The following KCNQ1OT1 variants were observed in gnomAD, a reference collection of about 807,000 sequenced individuals.
The protein encoded by KCNQ1OT1 is KCNQ1 antisense RNA 2 (non-protein coding).
chr11:2,608,706 C>T lies in KCNQ1OT1; in HGVS notation n.91289G>A. ...CTTGAACTCCTGGCCACAAGCAATT[C>T]TCGAACTCCTGGCCACAAGCAATTC... On this transcript the variant is annotated non_coding_transcript_exon_variant, in exon 1 of 1. Coordinates refer to ENST00000597346, the Ensembl canonical transcript of KCNQ1OT1. The surrounding 1 kb of genome is among the most constrained non-coding windows in gnomAD (Gnocchi z 4.6). The T allele has an allele frequency of 2.6e-6, 1 of 382,532 alleles. No homozygotes were observed. Among genetic ancestry groups the T allele is most frequent in the East Asian group, 3.6e-5 (1 of 28,082 alleles). The allele number at this position is 382,532 out of a possible 1,614,324, so 23.7% of individuals were successfully genotyped here.
chr11:2,661,872 C>T lies in KCNQ1OT1; in HGVS notation n.38123G>A, dbSNP rs1391797801. ...TTCCAGGCACAAGCTCCACTCCTCA[C>T]CTGGCCCTGGGAGCTCACAGGCCTG... On this transcript the variant is annotated non_coding_transcript_exon_variant, in exon 1 of 1. Transcript: ENST00000597346. The surrounding 1 kb of genome is among the most constrained non-coding windows in gnomAD (Gnocchi z 5.9). 5 of 1,548,060 alleles carry T rather than the reference C, an allele frequency of 3.2e-6. No homozygotes were observed. The African/African-American group carries it at 4.1e-5, about 13-fold the overall frequency.
At chr11:2,672,209 T>C (rs961521976) in exon 1 of KCNQ1OT1, 11 of 398,560 alleles carry the variant, frequency 2.8e-5, no homozygotes, top group African/African-American at 2.1e-5. Context: ...TTAAGTTAAA[T>C]TGAATTCCTT....
rs1045492897 is a variant in KCNQ1OT1, at chr11:2,670,540, G to A, written n.29455C>T. Reference sequence around the variant, plus strand: ...GAAGGGGAAATTGAAGCCTCAAGAAGGATAGGGACTTGCCAGTATCACTGG... The same window carrying A: ...GAAGGGGAAATTGAAGCCTCAAGAAAGATAGGGACTTGCCAGTATCACTGG... On this transcript the variant is annotated non_coding_transcript_exon_variant, in exon 1 of 1. Coordinates refer to ENST00000597346, the Ensembl canonical transcript of KCNQ1OT1. This position sits in a 1 kb window ranked among gnomAD's most constrained non-coding sequence, Gnocchi z 4.9. 2.5e-6 allele frequency: 1 copy of A among 397,882 alleles called. No individual in the cohort carries two copies. The highest frequency in any genetic ancestry group is 2.1e-5 in the African/African-American group (1 of 48,378). The allele number at this position is 397,882 out of a possible 1,614,324, so 24.6% of individuals were successfully genotyped here. A position where few individuals can be genotyped will look rare whatever the true frequency, so the allele number is the denominator to read the frequency against.
chr11:2,624,787 T>C lies in KCNQ1OT1; in HGVS notation n.75208A>G. 1 of 398,594 alleles carries C rather than the reference T, an allele frequency of 2.5e-6. No individual in the cohort carries two copies. The highest frequency in any genetic ancestry group is 4.4e-6 in the Non-Finnish European group (1 of 226,054). The allele number at this position is 398,594 out of a possible 1,614,324, so 24.7% of individuals were successfully genotyped here. A position where few individuals can be genotyped will look rare whatever the true frequency, so the allele number is the denominator to read the frequency against. On this transcript the variant is annotated non_coding_transcript_exon_variant, in exon 1 of 1. Coordinates refer to ENST00000597346, the Ensembl canonical transcript of KCNQ1OT1. The surrounding 1 kb of genome is among the most constrained non-coding windows in gnomAD (Gnocchi z 4.9). Reference sequence around the variant, plus strand: ...CTTGGAAACCACCTTGTACTTTCTATGTCTCTGATTTGACTATTCTACATA... The same window carrying C: ...CTTGGAAACCACCTTGTACTTTCTACGTCTCTGATTTGACTATTCTACATA...
chr11:2,675,277 C>G, exon 1 of KCNQ1OT1: 1 of 398,604 alleles, frequency 2.5e-6, no homozygotes, highest in Admixed American at 4.4e-5. Context: ...TAACTCACCT[C>G]TCCCAAAAGC....
exon 1 of KCNQ1OT1, chr11:2,640,833 C>G (rs750869818): frequency 2.8e-5 from 11 of 399,056 alleles, no homozygotes; most frequent in Non-Finnish European, 4.9e-5. Flanking sequence ...ACCCTCCAGA[C>G]ATACCTTTCA....
exon 1 of KCNQ1OT1, chr11:2,666,023 G>A: frequency 2.5e-6 from 1 of 398,666 alleles, no homozygotes; most frequent in Non-Finnish European, 4.4e-6. Flanking sequence ...CCCATTGGTT[G>A]CACATGGATA....
chr11:2,688,057 A>T (rs1403019140), exon 1 of KCNQ1OT1: 1 of 398,686 alleles, frequency 2.5e-6, no homozygotes, highest in African/African-American at 2.1e-5. Context: ...AGCTGCAGCC[A>T]TGGAGTTGGT....
At position 2,682,670 on chromosome 11, in the gene KCNQ1OT1, T is replaced by C. The variant is rs186707230; in HGVS notation, n.17325A>G. On this transcript the variant is annotated non_coding_transcript_exon_variant, in exon 1 of 1. Transcript: ENST00000597346. This position sits in a 1 kb window ranked among gnomAD's most constrained non-coding sequence, Gnocchi z 5.8. ...CCCCAGGGCTCATGTCCACATGCTA[T>C]TGTCCATAGAAGCTGGGGTCCAAAG... 171 of 398,650 alleles carry C rather than the reference T, an allele frequency of 4.3e-4. No individual in the cohort carries two copies. The highest frequency in any genetic ancestry group is 6.9e-4 in the Non-Finnish European group (156 of 226,088). The allele number at this position is 398,650 out of a possible 1,614,324, so 24.7% of individuals were successfully genotyped here.
In KCNQ1OT1 at chr11:2,612,803, C is replaced by A. The variant is rs763561778; in HGVS notation, n.87192G>T. 2.5e-6 allele frequency: 1 copy of A among 398,334 alleles called. No homozygotes were observed. The highest frequency in any genetic ancestry group is 4.4e-6 in the Non-Finnish European group (1 of 226,024). 24.7% of individuals were successfully genotyped at this position (398,334 alleles called of 1,614,324 possible). ...CACAATTTTCTGTTTCTTTGCATATCTCATTTTTTTTGTTAAAAACTTACT... is the reference window on the plus strand; with the variant it reads ...CACAATTTTCTGTTTCTTTGCATATATCATTTTTTTTGTTAAAAACTTACT... On this transcript the variant is annotated non_coding_transcript_exon_variant, in exon 1 of 1. Coordinates refer to ENST00000597346, the Ensembl canonical transcript of KCNQ1OT1. This position sits in a 1 kb window ranked among gnomAD's most constrained non-coding sequence, Gnocchi z 5.5.
Position 2,657,173 on chromosome 11 carries a change from T to C in KCNQ1OT1, n.42822A>G. 5.0e-6 allele frequency: 2 copies of C among 398,680 alleles called. No individual in the cohort carries two copies. The highest frequency in any genetic ancestry group is 3.6e-5 in the East Asian group (1 of 28,084). The allele number at this position is 398,680 out of a possible 1,614,324, so 24.7% of individuals were successfully genotyped here. ...GGTACAGCAAGTTCTCCCACCTTGT[T>C]CTTCTTCAAGAATATTGCCAATTCT... On this transcript the variant is annotated non_coding_transcript_exon_variant, in exon 1 of 1. Coordinates refer to ENST00000597346, the Ensembl canonical transcript of KCNQ1OT1. This position sits in a 1 kb window ranked among gnomAD's most constrained non-coding sequence, Gnocchi z 4.8.
chr11:2,653,885 G>GC lies in KCNQ1OT1; in HGVS notation n.46109dup, dbSNP rs1849795819. On this transcript the variant is annotated non_coding_transcript_exon_variant, in exon 1 of 1. Transcript: ENST00000597346. The surrounding 1 kb of genome is among the most constrained non-coding windows in gnomAD (Gnocchi z 5.3). ...GCACACTAGGAGTGGGAAAGGAAGA[G>GC]CCCCCTAAGGAAGATTTGAGAAGCT... is the stretch of plus-strand genomic sequence containing the variant. 1 of 398,684 alleles carries GC rather than the reference G, an allele frequency of 2.5e-6. No individual in the cohort carries two copies. Among genetic ancestry groups the GC allele is most frequent in the Non-Finnish European group, 4.4e-6 (1 of 226,102 alleles). 24.7% of individuals were successfully genotyped at this position (398,684 alleles called of 1,614,324 possible).
At position 2,673,531 on chromosome 11, in the gene KCNQ1OT1, T is replaced by C. The variant is rs1248274670; in HGVS notation, n.26464A>G. ...TTGATGCTGACAGCCTGTAGAAAGA[T>C]TGCTCTCAGCCTATCCCCTCCCTGG... On this transcript the variant is annotated non_coding_transcript_exon_variant, in exon 1 of 1. Transcript: ENST00000597346. The surrounding 1 kb of genome is among the most constrained non-coding windows in gnomAD (Gnocchi z 4.5). 1.5e-5 allele frequency: 6 copies of C among 398,476 alleles called. No individual in the cohort carries two copies. The highest frequency in any genetic ancestry group is 8.2e-5 in the African/African-American group (4 of 48,610). 24.7% of individuals were successfully genotyped at this position (398,476 alleles called of 1,614,324 possible).
Position 2,659,999 on chromosome 11 carries a change from A to C in KCNQ1OT1, n.39996T>G. 2.5e-6 allele frequency: 1 copy of C among 398,404 alleles called. No homozygotes were observed. Among genetic ancestry groups the C allele is most frequent in the Non-Finnish European group, 4.4e-6 (1 of 225,980 alleles). 24.7% of individuals were successfully genotyped at this position (398,404 alleles called of 1,614,324 possible). ...TTCCAAGTCTGTGCTTTGTCTTTTC[A>C]TTCCATTAGCAGTGTCTGTTGCACA... On this transcript the variant is annotated non_coding_transcript_exon_variant, in exon 1 of 1. Transcript: ENST00000597346. The surrounding 1 kb of genome is among the most constrained non-coding windows in gnomAD (Gnocchi z 4.3).
rs907610227 is a variant in KCNQ1OT1, at chr11:2,658,171, A to G, written n.41824T>C. The G allele has an allele frequency of 2.8e-5, 11 of 398,474 alleles. No homozygotes were observed. Among genetic ancestry groups the G allele is most frequent in the Non-Finnish European group, 4.9e-5 (11 of 226,054 alleles). The allele number at this position is 398,474 out of a possible 1,614,324, so 24.7% of individuals were successfully genotyped here. ...CAATTAAAATACATTTCAAGGAAGAAACTGTGAAGTTTCTGAGTTTCACTA... is the reference window on the plus strand; with the variant it reads ...CAATTAAAATACATTTCAAGGAAGAGACTGTGAAGTTTCTGAGTTTCACTA... On this transcript the variant is annotated non_coding_transcript_exon_variant, in exon 1 of 1. Coordinates refer to ENST00000597346, the Ensembl canonical transcript of KCNQ1OT1. The surrounding 1 kb of genome is among the most constrained non-coding windows in gnomAD (Gnocchi z 4.9).
chr11:2,644,034 CTT>C (rs949857584), exon 1 of KCNQ1OT1: 5 of 398,360 alleles, frequency 1.3e-5, no homozygotes, highest in South Asian at 2.5e-4. Flanking sequence ...ATGATTCTCT[CTT>C]TGTCTTGGGA....
chr11:2,637,565 C>A (rs143966424), exon 1 of KCNQ1OT1: 2 of 152,264 alleles, frequency 1.3e-5, no homozygotes, highest in African/African-American at 4.8e-5. Flanking sequence ...GTTATAGTTT[C>A]TGTTCTTTTA....
At position 2,612,538 on chromosome 11, in the gene KCNQ1OT1, GAGTTTTTCACCTA is replaced by G. The variant is rs1285959919; in HGVS notation, n.87444_87456del. On this transcript the variant is annotated non_coding_transcript_exon_variant, in exon 1 of 1. Coordinates refer to ENST00000597346, the Ensembl canonical transcript of KCNQ1OT1. The surrounding 1 kb of genome is among the most constrained non-coding windows in gnomAD (Gnocchi z 5.5). ...GTCAAATTTGCTTAGCCGCACTAGT[GAGTTTTTCACCTA>G]AGTTATTATATTTCACAACTACAGA... 1 of 398,378 alleles carries G rather than the reference GAGTTTTTCACCTA, an allele frequency of 2.5e-6. No individual in the cohort carries two copies. Among genetic ancestry groups the G allele is most frequent in the Admixed American group, 4.4e-5 (1 of 22,694 alleles). 24.7% of individuals were successfully genotyped at this position (398,378 alleles called of 1,614,324 possible). A position where few individuals can be genotyped will look rare whatever the true frequency, so the allele number is the denominator to read the frequency against.
chr11:2,641,188 G>T, exon 1 of KCNQ1OT1: 1 of 398,464 alleles, frequency 2.5e-6, no homozygotes, highest in Non-Finnish European at 4.4e-6. Flanking sequence ...ATATCCAGTA[G>T]TGAGATTGCT....
Sources: gnomAD v4.1 joint callset for allele counts on GRCh38, gnomAD v4.1.1 for gene constraint, Gnocchi (gnomAD v3.1) non-coding constraint, MANE v1.5 for transcripts, NCBI Gene and HGNC (gene_info 2026-07-23, HGNC 2026-07-21) for gene names.